NUP93: variants seen among roughly 807,000 people sequenced by gnomAD.
NUP93 encodes the protein nuclear pore complex protein Nup93.
A neutral mutation model predicts 107.8 loss-of-function variants in NUP93; 55 were observed. The ratio of observed to expected loss-of-function variants is 0.51; its 90% confidence interval spans 0.41 to 0.64. NUP93 has a LOEUF of 0.64. Among genes scored for constraint, NUP93 ranks in the 30% least tolerant of loss-of-function variants. NUP93 has a pLI of 0.00. For synonymous variants in NUP93, 390 were observed against 397.5 expected (o/e 0.98, Z 0.22); for missense variants, 937 against 1,044.7 (o/e 0.90, Z 1.42).
intron 3 of NUP93, among the ~76,000 whole-genome samples, chr16:56,770,307 C>T (rs781468391): frequency 6.6e-6 from 1 of 152,086 alleles, no homozygotes; most frequent in Non-Finnish European, 1.5e-5. Context: ...AGAGAGCTGG[C>T]CAGGGGCTTA....
intron 5 of NUP93, among the ~76,000 whole-genome samples, chr16:56,808,216 T>TATAACTATAAAATATATA (rs1567398419): frequency 8.3e-5 from 9 of 108,880 alleles, no homozygotes; most frequent in South Asian, 2.7e-4. Context: ...TATATAGTTA[T>TATAACTATAAAATATATA]GTAACTATAT....
In NUP93 at chr16:56,820,768, C is replaced by T. The variant is rs546305553; in HGVS notation, c.565-736C>T. Reference sequence around the variant, plus strand: ...GACTTCATATACAAAGTAGAATCTTCCACAAGAAGATTTAGAGCTTAACTA... The same window carrying T: ...GACTTCATATACAAAGTAGAATCTTTCACAAGAAGATTTAGAGCTTAACTA... On this transcript the variant is annotated intron_variant, in intron 6 of 21. Transcript: ENST00000308159. Among the ~76,000 whole-genome samples the T allele has an allele frequency of 3.3e-5, 5 of 152,202 alleles. No homozygotes were observed. In the South Asian group the frequency reaches 1.0e-3, roughly 32 times the overall value.
chr16:56,834,236 A>G lies in NUP93; in HGVS notation c.1646A>G (p.Gln549Arg). The G allele has an allele frequency of 1.2e-6, 2 of 1,614,202 alleles. No individual in the cohort carries two copies. The highest frequency in any genetic ancestry group is 2.2e-5 in the South Asian group (2 of 91,084). The change falls in exon 14 of 22, where the codon CAG (glutamine) becomes CGG (arginine). Residue 549 changes from glutamine to arginine, a missense_variant. Gln to Arg is a conservative substitution (Grantham distance 43). Transcript: ENST00000308159. ...TCCACGGACCCAAGGGAGGCCCTCC[A>G]GTACTTCTATTTCCTCAGGTAACAT... is the stretch of plus-strand genomic sequence containing the variant. ...FESTDPREAL[Q>R]YFYFLRDEKD...
In NUP93 at chr16:56,839,064, T is replaced by C. The variant is rs753621611; in HGVS notation, c.2131T>C (p.Phe711Leu). The change falls in exon 19 of 22, where the codon TTT becomes CTT. Residue 711 changes from phenylalanine (F) to leucine (L), a missense_variant. Phe to Leu is a conservative substitution (Grantham distance 22). Transcript: ENST00000308159. Reference protein sequence around the residue: ...EYHSGHIDRAFDIIERLKLVP... With the variant: ...EYHSGHIDRALDIIERLKLVP... Reference sequence around the variant, plus strand: ...TCATAGTGGTCATATTGATAGAGCTTTTGATGTAAGTTTCAGGAAAGGTGT... The same window carrying C: ...TCATAGTGGTCATATTGATAGAGCTCTTGATGTAAGTTTCAGGAAAGGTGT... 1.2e-6 allele frequency: 2 copies of C among 1,608,900 alleles called. No homozygotes were observed. Among genetic ancestry groups the C allele is most frequent in the Non-Finnish European group, 1.7e-6 (2 of 1,175,600 alleles).
chr16:56,823,236 C>G (rs1463406606), intron 7 of NUP93, among the ~76,000 whole-genome samples: 1 of 152,128 alleles, frequency 6.6e-6, no homozygotes, highest in Non-Finnish European at 1.5e-5. Flanking sequence ...TGGAGCGTCT[C>G]TGGGAGGACA....
At chr16:56,815,865 A>ACTGCTGCTG (rs59958027) in intron 5 of NUP93, among the ~76,000 whole-genome samples, 2,860 of 147,044 alleles carry the variant, frequency 0.019, 71 homozygotes, top group East Asian at 0.1. Flanking sequence ...TACTACTGCT[A>ACTGCTGCTG]CTGCTGCTGC....
intron 5 of NUP93, among the ~76,000 whole-genome samples, chr16:56,815,902 C>CTGCTGCTGCTGG (rs58150388): frequency 4.0e-4 from 53 of 133,200 alleles, no homozygotes; most frequent in African/African-American, 8.8e-4. Flanking sequence ...GCTGCTGGTG[C>CTGCTGCTGCTGG]TGCTGCTGCT....
chr16:56,733,858 C>G (rs1961571572), intron 1 of NUP93, among the ~76,000 whole-genome samples: 1 of 152,206 alleles, frequency 6.6e-6, no homozygotes, highest in Non-Finnish European at 1.5e-5. Context: ...ATAGCTTCAA[C>G]TGTGTCCTCA....
intron 4 of NUP93, among the ~76,000 whole-genome samples, chr16:56,799,525 G>C (rs2144560024): frequency 6.6e-6 from 1 of 152,292 alleles, no homozygotes; most frequent in South Asian, 2.1e-4. Flanking sequence ...GGAAAAGAAA[G>C]GCTAGTTGTC....
intron 3 of NUP93, among the ~76,000 whole-genome samples, chr16:56,766,589 C>T (rs181643695): frequency 1.9e-4 from 29 of 152,310 alleles, no homozygotes; most frequent in African/African-American, 6.7e-4. Context: ...TTACTGTAGA[C>T]CAGTCTGTTG....
At chr16:56,776,254 G>T (rs1962415209) in intron 3 of NUP93, among the ~76,000 whole-genome samples, 1 of 152,026 alleles carries the variant, frequency 6.6e-6, no homozygotes, top group Non-Finnish European at 1.5e-5. Flanking sequence ...ATCGTTGAGG[G>T]TTGGATAATT....
intron 3 of NUP93, chr16:56,781,714 G>A: frequency 2.2e-6 from 1 of 455,400 alleles, no homozygotes; most frequent in Non-Finnish European, 2.9e-6. Context: ...AGTGGTTTGG[G>A]TTGGGGAAAA....
chr16:56,740,174 T>C (rs1961699892), intron 1 of NUP93, among the ~76,000 whole-genome samples: 1 of 143,196 alleles, frequency 7.0e-6, no homozygotes, highest in African/African-American at 2.7e-5. Flanking sequence ...GCGGAGACGC[T>C]CCTCACTTCC....
intron 6 of NUP93, among the ~76,000 whole-genome samples, chr16:56,820,041 A>G (rs551823029): frequency 2.0e-5 from 3 of 152,228 alleles, no homozygotes; most frequent in South Asian, 2.1e-4. Context: ...TGACTCCTCT[A>G]TTGCCATGGA....
intron 3 of NUP93, among the ~76,000 whole-genome samples, chr16:56,770,110 T>C (rs1408319640): frequency 1.3e-5 from 2 of 152,248 alleles, no homozygotes; most frequent in Non-Finnish European, 2.9e-5. Flanking sequence ...TTGGGCTATC[T>C]GGCTTTTATA....
At chr16:56,828,510 G>A (rs1233097695) in intron 8 of NUP93, among the ~76,000 whole-genome samples, 1 of 152,092 alleles carries the variant, frequency 6.6e-6, no homozygotes, top group African/African-American at 2.4e-5. Context: ...GGTTTGAGGG[G>A]AGAAAAATGT....
intron 2 of NUP93, among the ~76,000 whole-genome samples, chr16:56,753,675 T>A (rs1961965247): frequency 6.6e-6 from 1 of 152,150 alleles, no homozygotes. Context: ...AACACTGCTT[T>A]ACAAGATAAA....
intron 6 of NUP93, among the ~76,000 whole-genome samples, chr16:56,819,333 G>T (rs1350805209): frequency 6.6e-6 from 1 of 152,200 alleles, no homozygotes; most frequent in Non-Finnish European, 1.5e-5. Context: ...AGCTGGAATT[G>T]ACTTTTTAAA....
At chr16:56,828,194 T>TTA (rs773992004) in intron 8 of NUP93, among the ~76,000 whole-genome samples, 2 of 113,418 alleles carry the variant, frequency 1.8e-5, no homozygotes, top group African/African-American at 3.4e-5. Context: ...CCCTGCCTCT[T>TTA]AAAAAAAAAA....
Sources: allele counts gnomAD v4.1 joint callset (sites outside exome capture counted in the v4.1 genomes callset), GRCh38; gene constraint gnomAD v4.1.1; transcripts MANE v1.5; gene names NCBI Gene and HGNC (gene_info 2026-07-23, HGNC 2026-07-21).